Variants in PSMA6 observed in about 807,000 individuals in gnomAD.
PSMA6 encodes the protein proteasome 20S subunit alpha 6, also known as proteasome subunit alpha type-6.
For synonymous variants in PSMA6, 88 were observed against 97.7 expected (o/e 0.90, Z 0.59); for missense variants, 170 against 294.8 (o/e 0.58, Z 3.10).
chr14:35,294,333 G>A (rs552244790), intron 1 of PSMA6, among the ~76,000 whole-genome samples: 1 of 152,316 alleles, frequency 6.6e-6, no homozygotes, highest in East Asian at 1.9e-4. Context: ...CCTAGCACCA[G>A]CCTAGACAGA....
chr14:35,307,406 T>G (rs748542739), intron 1 of PSMA6, among the ~76,000 whole-genome samples: 4 of 152,116 alleles, frequency 2.6e-5, no homozygotes, highest in Non-Finnish European at 4.4e-5. Context: ...CAAAACATCA[T>G]TGATAAAGAT....
intron 1 of PSMA6, among the ~76,000 whole-genome samples, chr14:35,294,216 T>G (rs1006699659): frequency 4.6e-5 from 7 of 152,112 alleles, no homozygotes. Flanking sequence ...AATTTTGTAT[T>G]TTTAGTAGAG....
upstream of PSMA6, among the ~76,000 whole-genome samples, chr14:35,291,219 TC>T (rs1289775512): frequency 7.2e-6 from 1 of 138,394 alleles, no homozygotes; most frequent in Non-Finnish European, 1.6e-5. Context: ...AGGCTTTCTT[TC>T]TTTTTTTTTT....
At chr14:35,294,115 G>GCTCCCCGCAATCTCCGC (rs1296767147) in intron 1 of PSMA6, among the ~76,000 whole-genome samples, 2 of 152,208 alleles carry the variant, frequency 1.3e-5, no homozygotes, top group African/African-American at 2.4e-5. Flanking sequence ...CGCGATCTCG[G>GCTCCCCGCAATCTCCGC]CTCCCCGCAA....
upstream of PSMA6, among the ~76,000 whole-genome samples, chr14:35,289,701 C>T (rs750416322): frequency 4.6e-5 from 7 of 151,966 alleles, no homozygotes; most frequent in Admixed American, 1.3e-4. Flanking sequence ...CAAAGGATCC[C>T]TTGAGGCCAG....
At chr14:35,282,399 T>C (rs1287708485) in intron 1 of PSMA6, among the ~76,000 whole-genome samples, 1 of 151,320 alleles carries the variant, frequency 6.6e-6, no homozygotes, top group Non-Finnish European at 1.5e-5. Flanking sequence ...CACCCCCAGA[T>C]AATTTTCTAA....
chr14:35,310,906 T>C lies in PSMA6; in HGVS notation c.409+11T>C, dbSNP rs1256125814. On this transcript the variant is annotated intron_variant, in intron 4 of 6. Transcript: ENST00000261479. ...GGCCTCTTGGTTGTTGTAAGTATGC[T>C]AAGAGGTCTCCCAAATAATTGATGA... 1 of 1,606,562 alleles carries C rather than the reference T, an allele frequency of 6.2e-7. No homozygotes were observed. Among genetic ancestry groups the C allele is most frequent in the Admixed American group, 1.7e-5 (1 of 58,226 alleles).
chr14:35,297,318 C>A (rs1414209449), intron 1 of PSMA6, among the ~76,000 whole-genome samples: 2 of 151,838 alleles, frequency 1.3e-5, no homozygotes, highest in Middle Eastern at 3.4e-3. Flanking sequence ...TGGGTTCACG[C>A]CGTTCTCCTG....
intron 1 of PSMA6, among the ~76,000 whole-genome samples, chr14:35,286,029 C>T (rs188540229): frequency 1.1e-3 from 175 of 152,280 alleles, no homozygotes; most frequent in East Asian, 2.1e-3. Flanking sequence ...TTCATCAGTG[C>T]GCCCCCTCCT....
intron 4 of PSMA6, among the ~76,000 whole-genome samples, chr14:35,312,273 G>A (rs1319662586): frequency 1.3e-5 from 2 of 151,158 alleles, no homozygotes; most frequent in Non-Finnish European, 1.5e-5. Context: ...TTGGGAGGAC[G>A]AGGCAGGTGG....
chr14:35,305,127 G>T (rs1466358883), intron 1 of PSMA6, among the ~76,000 whole-genome samples: 2 of 150,400 alleles, frequency 1.3e-5, no homozygotes, highest in East Asian at 4.0e-4. Flanking sequence ...CATATTTGAA[G>T]ATTTCTTTTC....
intron 3 of PSMA6, among the ~76,000 whole-genome samples, chr14:35,309,399 C>G (rs562337941): frequency 6.8e-4 from 104 of 152,220 alleles, no homozygotes; most frequent in African/African-American, 2.4e-3. Context: ...GTTGTAATCC[C>G]AGCACTTTGG....
At chr14:35,313,196 T>C (rs2138756492) in intron 5 of PSMA6, 137 bp downstream of exon 5, 1 of 784,180 alleles carries the variant, frequency 1.3e-6, no homozygotes, top group South Asian at 2.5e-5. Flanking sequence ...ATTGATATCA[T>C]ACAGCTGACA....
In PSMA6 at chr14:35,292,957, G is replaced by C. The variant is rs565064623; in HGVS notation, c.76+405G>C. ...TCCGTTTTCCTTTGTTTGCAGCATG[G>C]ACTTCTGTGGTTAATTCCACACAGG... is the stretch of plus-strand genomic sequence containing the variant. On this transcript the variant is annotated intron_variant, in intron 1 of 6. Transcript: ENST00000261479. 10 of 462,780 alleles carry C rather than the reference G, an allele frequency of 2.2e-5. No homozygotes were observed. In the East Asian group the frequency reaches 6.8e-4, roughly 31 times the overall value. The allele number at this position is 462,780 out of a possible 1,614,324, so 28.7% of individuals were successfully genotyped here. A position where few individuals can be genotyped will look rare whatever the true frequency, so the allele number is the denominator to read the frequency against.
upstream of PSMA6, among the ~76,000 whole-genome samples, chr14:35,291,374 C>G (rs566755855): frequency 2.5e-3 from 383 of 152,254 alleles, 1 homozygote; most frequent in African/African-American, 8.8e-3. Flanking sequence ...CCCGCCACCA[C>G]GCCTGGCTAA....
chr14:35,290,807 A>T (rs555487864), upstream of PSMA6, among the ~76,000 whole-genome samples: 25 of 152,250 alleles, frequency 1.6e-4, no homozygotes, highest in Admixed American at 1.0e-3. Flanking sequence ...AAGTCAAAAT[A>T]GGCACAAATT....
chr14:35,300,256 G>T (rs755890652), intron 1 of PSMA6, among the ~76,000 whole-genome samples: 8 of 152,058 alleles, frequency 5.3e-5, no homozygotes, highest in Non-Finnish European at 1.0e-4. Flanking sequence ...ATTGCTTGAG[G>T]CCAGGAGTTC....
At chr14:35,310,108 C>T in intron 3 of PSMA6, 1 of 384,778 alleles carries the variant, frequency 2.6e-6, no homozygotes, top group Non-Finnish European at 5.0e-6. Flanking sequence ...GGTGCCAGTC[C>T]AAGACCCCAT....
intron 1 of PSMA6, 160 bp downstream of exon 1, chr14:35,292,712 C>T: frequency 1.5e-6 from 2 of 1,332,510 alleles, no homozygotes; most frequent in Non-Finnish European, 2.0e-6. Context: ...GGTGTTTGCA[C>T]CCCCGTCTGG....
Sources: allele counts gnomAD v4.1 joint callset (sites outside exome capture counted in the v4.1 genomes callset), GRCh38; gene constraint gnomAD v4.1.1; transcripts MANE v1.5; gene names NCBI Gene and HGNC (gene_info 2026-07-23, HGNC 2026-07-21).